The following PLXDC2 variants were observed in gnomAD, a reference collection of about 807,000 sequenced individuals.
PLXDC2 encodes plexin domain-containing protein 2.
PLXDC2 carries 40 observed loss-of-function variants against 68.9 expected under a neutral mutation model. The observed-to-expected ratio is 0.58, with a 90% CI of 0.45 to 0.76. PLXDC2 has a LOEUF of 0.76. Among genes scored for constraint, PLXDC2 ranks in the 30% least tolerant of loss-of-function variants. PLXDC2 has a pLI of 0.00. For missense variants in PLXDC2, 644 were observed against 661.9 expected, an observed-to-expected ratio of 0.97 and a Z score of 0.30; for synonymous variants, 243 against 234.2, an observed-to-expected ratio of 1.04 and a Z score of -0.34.
chr10:19,921,280 T>C (rs1374703498), intron 1 of PLXDC2, among the ~76,000 whole-genome samples: 1 of 152,168 alleles, frequency 6.6e-6, no homozygotes, highest in African/African-American at 2.4e-5. Context: ...CATCTTGATT[T>C]TTATGTGTTA....
intron 1 of PLXDC2, among the ~76,000 whole-genome samples, chr10:20,001,472 C>T (rs1342767579): frequency 1.3e-5 from 2 of 152,036 alleles, no homozygotes; most frequent in African/African-American, 2.4e-5. Context: ...ATGAAGTGTG[C>T]GTGTGGAGGG....
chr10:19,880,886 C>A (rs1564617615), intron 1 of PLXDC2, among the ~76,000 whole-genome samples: 3 of 152,152 alleles, frequency 2.0e-5, no homozygotes, highest in South Asian at 2.1e-4. Context: ...GTTTTTAATT[C>A]TTAGGAGTTT....
At chr10:20,083,467 A>AG in intron 4 of PLXDC2, among the ~76,000 whole-genome samples, 2 of 68,034 alleles carry the variant, frequency 2.9e-5, no homozygotes, top group East Asian at 4.0e-3. Flanking sequence ...ACAGAGCGAG[A>AG]CTCCGTCTCA....
chr10:20,019,508 G>A (rs10764185), intron 2 of PLXDC2, among the ~76,000 whole-genome samples: 36,812 of 152,042 alleles, frequency 0.24, 4,616 homozygotes, highest in East Asian at 0.39. Flanking sequence ...CTAGCCCCCA[G>A]TGTGACTGTA....
intron 1 of PLXDC2, among the ~76,000 whole-genome samples, chr10:19,941,037 A>G (rs1020321526): frequency 6.6e-6 from 1 of 152,192 alleles, no homozygotes; most frequent in South Asian, 2.1e-4. Flanking sequence ...TTCAAATAGG[A>G]TTTGATTAAA....
chr10:19,974,370 G>T (rs1194760050), intron 1 of PLXDC2, among the ~76,000 whole-genome samples: 1 of 152,196 alleles, frequency 6.6e-6, no homozygotes, highest in Non-Finnish European at 1.5e-5. Context: ...CCCAGAGAGG[G>T]CTGTCAGCCA....
chr10:20,267,014 G>A (rs916313151), intron 13 of PLXDC2, among the ~76,000 whole-genome samples: 2 of 152,048 alleles, frequency 1.3e-5, no homozygotes, highest in African/African-American at 2.4e-5. Context: ...TGCATTATAC[G>A]TCTCACCTAA....
rs1164735677 is a variant in PLXDC2 at position 20,177,373 on chromosome 10, T to C, written c.1025T>C (p.Ile342Thr). The C allele has an allele frequency of 1.9e-6, 3 of 1,602,044 alleles. No homozygotes were observed. The highest frequency in any genetic ancestry group is 2.6e-6 in the Non-Finnish European group (3 of 1,169,852). ...TGTGGCCCCTGTGTATCTTCTCAGATTGGCTTCAACTGCAGTTGGTGTAGT... is the reference window on the plus strand; with the variant it reads ...TGTGGCCCCTGTGTATCTTCTCAGACTGGCTTCAACTGCAGTTGGTGTAGT... ...NRCGPCVSSQ[I>T]GFNCSWCSKL... Residue 342 changes from isoleucine (I) to threonine (T), a missense_variant, in exon 9 of 14, where the codon ATT becomes ACT. Ile to Thr is a moderately conservative substitution (Grantham distance 89, BLOSUM62 -1). This residue lies in a region of PLXDC2 where 330 missense variants were observed against 327.9 expected (regional missense o/e 1.01). Coordinates refer to ENST00000377252, the MANE Select transcript of PLXDC2 (RefSeq NM_032812.9).
At chr10:20,234,567 A>G (rs1364428809) in intron 12 of PLXDC2, among the ~76,000 whole-genome samples, 4 of 150,996 alleles carry the variant, frequency 2.6e-5, no homozygotes, top group Non-Finnish European at 4.4e-5. Context: ...TTTCTGTCCT[A>G]TGTGGCACAG....
At chr10:20,170,279 C>G (rs1394919142) in intron 7 of PLXDC2, among the ~76,000 whole-genome samples, 1 of 152,202 alleles carries the variant, frequency 6.6e-6, no homozygotes, top group African/African-American at 2.4e-5. Context: ...CAACCTCCCC[C>G]TCCGGGGTTC....
intron 1 of PLXDC2, among the ~76,000 whole-genome samples, chr10:19,955,913 T>C (rs12780231): frequency 0.062 from 9,423 of 152,032 alleles, 405 homozygotes; most frequent in East Asian, 0.22. Context: ...ACCCCATCTC[T>C]ACAAAAAATA....
At chr10:20,169,521 C>T (rs1005605494) in intron 7 of PLXDC2, among the ~76,000 whole-genome samples, 2 of 152,156 alleles carry the variant, frequency 1.3e-5, no homozygotes, top group African/African-American at 2.4e-5. Flanking sequence ...CAGAGGTCTT[C>T]CTGGATACAC....
chr10:19,944,761 G>T (rs1833874046), intron 1 of PLXDC2, among the ~76,000 whole-genome samples: 1 of 152,136 alleles, frequency 6.6e-6, no homozygotes, highest in Admixed American at 6.5e-5. Context: ...GACCAGCCTG[G>T]CCAACATGAT....
chr10:20,009,963 G>C (rs1835084782), intron 2 of PLXDC2, among the ~76,000 whole-genome samples: 1 of 152,064 alleles, frequency 6.6e-6, no homozygotes, highest in Non-Finnish European at 1.5e-5. Flanking sequence ...GATTAGAATT[G>C]TTGTGGTGTG....
intron 3 of PLXDC2, among the ~76,000 whole-genome samples, chr10:20,060,285 G>A (rs1836077532): frequency 1.5e-5 from 1 of 66,582 alleles, no homozygotes. Flanking sequence ...GCCTCCCAAA[G>A]CACTGGGACT....
chr10:20,026,924 A>G (rs1835415916), intron 2 of PLXDC2, among the ~76,000 whole-genome samples: 1 of 99,218 alleles, frequency 1.0e-5, no homozygotes, highest in Non-Finnish European at 1.9e-5. Flanking sequence ...ATATTCTAAT[A>G]TATAGAATAC....
intron 1 of PLXDC2, among the ~76,000 whole-genome samples, chr10:19,931,218 G>T (rs1437604747): frequency 6.6e-6 from 1 of 152,208 alleles, no homozygotes; most frequent in Non-Finnish European, 1.5e-5. Context: ...GCTGAACTTG[G>T]ACTCTTCAGA....
chr10:20,173,252 T>C (rs1367392677), intron 7 of PLXDC2, among the ~76,000 whole-genome samples: 1 of 152,216 alleles, frequency 6.6e-6, no homozygotes, highest in African/African-American at 2.4e-5. Flanking sequence ...TCATTAAGCA[T>C]TGGCAACACA....
intron 1 of PLXDC2, among the ~76,000 whole-genome samples, chr10:19,902,740 G>T (rs1220273825): frequency 6.6e-6 from 1 of 152,116 alleles, no homozygotes; most frequent in Non-Finnish European, 1.5e-5. Context: ...GTGAAAGTTG[G>T]CATCCTTGTC....
Sources: gnomAD v4.1 joint callset for allele counts (sites outside exome capture counted in the v4.1 genomes callset) on GRCh38, gnomAD v4.1.1 for gene constraint, gnomAD v4.1.1 regional missense constraint, MANE v1.5 for transcripts, NCBI Gene and HGNC (gene_info 2026-07-23, HGNC 2026-07-21) for gene names.